The following PTPRT variants were observed in gnomAD, a reference collection of about 807,000 sequenced individuals.
PTPRT encodes protein tyrosine phosphatase receptor type T, also known as receptor-type tyrosine-protein phosphatase T.
In PTPRT, 56 loss-of-function variants were observed where a neutral mutation model predicts 176.8. The ratio of observed to expected loss-of-function variants is 0.32; its 90% CI spans 0.26 to 0.40. The LOEUF is 0.40. PTPRT is among the 10% of genes least tolerant of loss of function. The pLI, the probability that PTPRT is intolerant of heterozygous loss-of-function variation, is 1.00. For missense variants in PTPRT, 1,540 were observed against 1,908.2 expected, an observed-to-expected ratio of 0.81 and a Z score of 3.60; for synonymous variants, 783 against 739.0, an observed-to-expected ratio of 1.06 and a Z score of -0.96.
chr20:42,346,146 C>T (rs188202600), intron 11 of PTPRT, among the ~76,000 whole-genome samples: 5 of 151,988 alleles, frequency 3.3e-5, no homozygotes, highest in Non-Finnish European at 5.9e-5. Context: ...AGAGCTTGGC[C>T]CAGGTTCTGA....
At chr20:42,668,738 C>T (rs1049323457) in intron 7 of PTPRT, among the ~76,000 whole-genome samples, 2 of 151,210 alleles carry the variant, frequency 1.3e-5, no homozygotes, top group East Asian at 2.0e-4. Flanking sequence ...GTCGTCCAGG[C>T]TGGAGTACAG....
chr20:42,753,927 A>C (rs2076796276), intron 6 of PTPRT, among the ~76,000 whole-genome samples: 1 of 152,184 alleles, frequency 6.6e-6, no homozygotes, highest in Non-Finnish European at 1.5e-5. Flanking sequence ...GTGCTAAACT[A>C]ACTCCCATAG....
chr20:42,920,239 C>A (rs188728404), intron 1 of PTPRT, among the ~76,000 whole-genome samples: 1 of 152,100 alleles, frequency 6.6e-6, no homozygotes, highest in African/African-American at 2.4e-5. Flanking sequence ...TATTAATATA[C>A]GCAACAAGAT....
At chr20:42,051,306 T>C in the PTPRT span, among the ~76,000 whole-genome samples, 7 of 152,246 alleles carry the variant, frequency 4.6e-5, no homozygotes, top group South Asian at 1.5e-3. Context: ...ATTCCCACTG[T>C]CTTAGTTGGG....
intron 1 of PTPRT, among the ~76,000 whole-genome samples, chr20:42,893,213 C>T (rs2079226406): frequency 6.6e-6 from 1 of 152,186 alleles, no homozygotes; most frequent in South Asian, 2.1e-4. Context: ...TATGAACAGA[C>T]ACTTCTCAAA....
intron 6 of PTPRT, among the ~76,000 whole-genome samples, chr20:42,744,047 C>T (rs1434745304): frequency 1.3e-5 from 2 of 152,238 alleles, no homozygotes; most frequent in African/African-American, 2.4e-5. Context: ...TGGGTGAGGC[C>T]AGGTACAAGG....
At chr20:42,831,853 C>A (rs2078094623) in intron 2 of PTPRT, among the ~76,000 whole-genome samples, 1 of 152,126 alleles carries the variant, frequency 6.6e-6, no homozygotes, top group Non-Finnish European at 1.5e-5. Flanking sequence ...GTAAGAATGG[C>A]TATTATTAAA....
chr20:42,836,798 C>T (rs893195636), intron 2 of PTPRT, among the ~76,000 whole-genome samples: 3 of 152,164 alleles, frequency 2.0e-5, no homozygotes, highest in South Asian at 2.1e-4. Context: ...GACAATAAGT[C>T]GTGTTTACTG....
chr20:42,046,488 A>G, the PTPRT span, among the ~76,000 whole-genome samples: 17 of 152,356 alleles, frequency 1.1e-4, no homozygotes, highest in East Asian at 2.5e-3. Context: ...AAACATGATC[A>G]GCTTCTGACA....
At chr20:42,545,543 A>T (rs1316520602) in intron 7 of PTPRT, among the ~76,000 whole-genome samples, 1 of 152,154 alleles carries the variant, frequency 6.6e-6, no homozygotes. Flanking sequence ...TGAGGAAACA[A>T]ACCTAGGCTT....
At chr20:43,029,094 C>G (rs1986034478) in intron 1 of PTPRT, among the ~76,000 whole-genome samples, 1 of 152,202 alleles carries the variant, frequency 6.6e-6, no homozygotes, top group Admixed American at 6.5e-5. Flanking sequence ...ATTTCCTCTC[C>G]TAACCATGAG....
chr20:42,266,858 G>A (rs1387488163), intron 13 of PTPRT, among the ~76,000 whole-genome samples: 1 of 152,194 alleles, frequency 6.6e-6, no homozygotes, highest in African/African-American at 2.4e-5. Context: ...CACGTACTTA[G>A]AGCACTTGAA....
At chr20:42,315,612 C>T (rs924331718) in intron 12 of PTPRT, 111 bp downstream of exon 12, 3 of 1,281,038 alleles carry the variant, frequency 2.3e-6, no homozygotes, top group South Asian at 1.5e-5. Context: ...GTAGGATTTG[C>T]CCCACGGGCC....
chr20:42,259,993 T>C (rs1428263935), intron 13 of PTPRT, among the ~76,000 whole-genome samples: 1 of 152,208 alleles, frequency 6.6e-6, no homozygotes, highest in Non-Finnish European at 1.5e-5. Context: ...ATTATAATGA[T>C]GACAGTGGCT....
intron 1 of PTPRT, among the ~76,000 whole-genome samples, chr20:42,916,889 A>G (rs1978801065): frequency 6.6e-6 from 1 of 152,000 alleles, no homozygotes; most frequent in South Asian, 2.1e-4. Context: ...AGGTTGCAAA[A>G]ATTTTCTGCC....
intron 16 of PTPRT, among the ~76,000 whole-genome samples, chr20:42,171,404 G>C (rs1049534673): frequency 2.0e-5 from 3 of 152,066 alleles, no homozygotes; most frequent in Non-Finnish European, 4.4e-5. Flanking sequence ...AAAAATTCTT[G>C]GCTAAAATTT....
intron 9 of PTPRT, among the ~76,000 whole-genome samples, chr20:42,360,647 T>C (rs1292603835): frequency 6.6e-6 from 1 of 152,252 alleles, no homozygotes. Flanking sequence ...CATGAGCTGC[T>C]TGCCTTCCAA....
chr20:42,392,196 G>A (rs2058806287), intron 9 of PTPRT, among the ~76,000 whole-genome samples: 1 of 152,122 alleles, frequency 6.6e-6, no homozygotes, highest in Non-Finnish European at 1.5e-5. Flanking sequence ...AACTCACTCA[G>A]TTCTAACACA....
chr20:42,983,681 A>C (rs1983402911), intron 1 of PTPRT, among the ~76,000 whole-genome samples: 1 of 152,208 alleles, frequency 6.6e-6, no homozygotes, highest in South Asian at 2.1e-4. Flanking sequence ...CCCTGCCCAC[A>C]ACCCACTAGA....
Sources: gnomAD v4.1 joint callset for allele counts (sites outside exome capture counted in the v4.1 genomes callset) on GRCh38, gnomAD v4.1.1 for gene constraint, MANE v1.5 for transcripts, NCBI Gene and HGNC (gene_info 2026-07-23, HGNC 2026-07-21) for gene names.